Variants in WDR26 observed in about 807,000 individuals in gnomAD.
The protein encoded by WDR26 is WD repeat domain 26, also known as WD repeat-containing protein 26.
Under a neutral mutation model 84.1 loss-of-function variants are expected in WDR26, and 5 were observed. The ratio of observed to expected loss-of-function variants is 0.06; its 90% CI spans 0.03 to 0.13. The LOEUF is 0.13. Among genes scored for constraint, WDR26 ranks in the 10% least tolerant of loss-of-function variants. WDR26 has a pLI of 1.00. For synonymous variants in WDR26, 415 were observed against 389.6 expected (o/e 1.07, Z -0.77); for missense variants, 642 against 974.9 (o/e 0.66, Z 4.55).
intron 3 of WDR26, among the ~76,000 whole-genome samples, chr1:224,427,962 CA>C (rs1184516338): frequency 3.3e-5 from 5 of 151,912 alleles, no homozygotes; most frequent in Admixed American, 3.3e-4. Context: ...GAAATAAAGA[CA>C]AAAAAAGATT....
intron 8 of WDR26, among the ~76,000 whole-genome samples, chr1:224,403,643 T>C (rs957756326): frequency 2.6e-5 from 4 of 152,086 alleles, no homozygotes; most frequent in Non-Finnish European, 5.9e-5. Flanking sequence ...TTTTCATATA[T>C]AAACAGCAAT....
At chr1:224,421,806 G>A (rs897897434) in intron 4 of WDR26, among the ~76,000 whole-genome samples, 1 of 152,178 alleles carries the variant, frequency 6.6e-6, no homozygotes, top group Admixed American at 6.5e-5. Flanking sequence ...GTTTCAAGAT[G>A]TGGTAGTGGG....
chr1:224,407,151 A>AAAAAATAAATATATATATATATATATAT, intron 7 of WDR26, among the ~76,000 whole-genome samples: 1 of 11,876 alleles, frequency 8.4e-5, no homozygotes, highest in Non-Finnish European at 1.4e-4. Context: ...AAAAAAAAAA[A>AAAAAATAAATATATATATATATATATAT]ATATATATAT....
At chr1:224,413,322 G>T in intron 6 of WDR26, 2 of 1,234,204 alleles carry the variant, frequency 1.6e-6, no homozygotes, top group South Asian at 1.4e-5. Flanking sequence ...ATTACATTTT[G>T]TCAATTCACC....
At position 224,424,612 on chromosome 1, in the gene WDR26, G is replaced by A; in HGVS notation, c.970C>T (p.Leu324=). The A allele has an allele frequency of 6.2e-7, 1 of 1,614,138 alleles. No homozygotes were observed. Among genetic ancestry groups the A allele is most frequent in the Non-Finnish European group, 8.5e-7 (1 of 1,180,018 alleles). The change falls in exon 4 of 14, where the codon CTG becomes TTG. Residue 324 remains leucine, a synonymous_variant. Coordinates refer to ENST00000414423, the MANE Select transcript of WDR26 (RefSeq NM_001379403.1). ...GCCTCCAGGACCTTGCCATCCTCCAGGTATTCTAGGTACTTCTGCTGCAGC... is the reference window on the plus strand; with the variant it reads ...GCCTCCAGGACCTTGCCATCCTCCAAGTATTCTAGGTACTTCTGCTGCAGC...
chr1:224,399,134 GTT>G (rs377025189), intron 9 of WDR26, 100 bp from the exon 10 acceptor site: 156 of 938,578 alleles, frequency 1.7e-4, no homozygotes, highest in South Asian at 2.8e-4. Flanking sequence ...TTAGTAACAG[GTT>G]TTTTTTTTTT....
At chr1:224,410,482 GA>G (rs1187646494) in intron 7 of WDR26, among the ~76,000 whole-genome samples, 1 of 151,668 alleles carries the variant, frequency 6.6e-6, no homozygotes, top group African/African-American at 2.4e-5. Flanking sequence ...GGTTATAAAC[GA>G]ACACTTATCT....
chr1:224,405,158 G>A (rs577487540), intron 7 of WDR26, among the ~76,000 whole-genome samples: 5 of 152,226 alleles, frequency 3.3e-5, no homozygotes, highest in Admixed American at 3.3e-4. Flanking sequence ...TATTCTGGAC[G>A]TTTCACATAA....
chr1:224,398,563 A>G lies in WDR26; in HGVS notation c.1896T>C (p.Phe632=), dbSNP rs1354681388. Residue 632 remains phenylalanine (F), a synonymous_variant, in exon 11 of 14, where the codon TTT becomes TTC. Transcript: ENST00000414423. ...CTAATCGGCCATTTTTTGAAATAGT[A>G]AAAGACATAATAGGATGATCTTCTT... 2 of 1,610,846 alleles carry G rather than the reference A, an allele frequency of 1.2e-6. No individual in the cohort carries two copies. The highest frequency in any genetic ancestry group is 1.7e-5 in the Admixed American group (1 of 59,302).
rs1196888289 is a variant in WDR26, at chr1:224,385,331, A to G, written c.*4504T>C. On this transcript the variant is annotated 3_prime_UTR_variant, in exon 14 of 14. Transcript: ENST00000414423. ...ATACATTACACATTTATAAAATAAA[A>G]GTCAACAAAGGGTGTTTTGTAAATA... 1.3e-5 allele frequency: 2 copies of G among 152,258 alleles called. No homozygotes were observed. The highest frequency in any genetic ancestry group is 2.9e-5 in the Non-Finnish European group (2 of 68,040). 9.4% of individuals were successfully genotyped at this position (152,258 alleles called of 1,614,324 possible). A position where few individuals can be genotyped will look rare whatever the true frequency, so the allele number is the denominator to read the frequency against.
chr1:224,397,846 C>T (rs528520005), intron 12 of WDR26: 4 of 444,820 alleles, frequency 9.0e-6, no homozygotes, highest in Admixed American at 4.4e-5. Flanking sequence ...ACTGCTAATC[C>T]GTGACAATAC....
intron 7 of WDR26, among the ~76,000 whole-genome samples, chr1:224,407,239 A>AC (rs1015495880): frequency 5.6e-5 from 8 of 143,442 alleles, no homozygotes; most frequent in African/African-American, 2.0e-4. Flanking sequence ...TTGAAAACAA[A>AC]AACAATACTA....
intron 8 of WDR26, among the ~76,000 whole-genome samples, chr1:224,401,840 T>C (rs1673431084): frequency 6.6e-6 from 1 of 152,102 alleles, no homozygotes; most frequent in South Asian, 2.1e-4. Context: ...ATTTTTCTGA[T>C]ACACAACCTT....
chr1:224,400,906 CT>C lies in WDR26; in HGVS notation c.1719+43del, dbSNP rs780288015. The C allele has an allele frequency of 3.1e-6, 5 of 1,599,062 alleles. No individual in the cohort carries two copies. In the African/African-American group the frequency reaches 6.8e-5, roughly 22 times the overall value. ...AATTGTTTAAACAAAAGTACATTTG[CT>C]TTTAAACCAACAGATACTGGGAAGG... On this transcript the variant is annotated intron_variant, in intron 9 of 13. Coordinates refer to ENST00000414423, the MANE Select transcript of WDR26 (RefSeq NM_001379403.1).
At position 224,418,202 on chromosome 1, in the gene WDR26, A is replaced by T. The variant is rs1558436439; in HGVS notation, c.1319+58T>A. 3 of 1,488,454 alleles carry T rather than the reference A, an allele frequency of 2.0e-6. No homozygotes were observed. The East Asian group carries it at 6.9e-5, about 34-fold the overall frequency. 92.2% of individuals were successfully genotyped at this position (1,488,454 alleles called of 1,614,324 possible). A position where few individuals can be genotyped will look rare whatever the true frequency, so the allele number is the denominator to read the frequency against. On this transcript the variant is annotated intron_variant, in intron 6 of 13. Transcript: ENST00000414423. The stretch of plus-strand genomic sequence containing the variant: ...CTACAGGATAAGACTCTAAAAAAGA[A>T]AACTAAAATTTTGTAAAATGTTAGG...
chr1:224,408,187 A>G (rs558032436), intron 7 of WDR26, among the ~76,000 whole-genome samples: 1 of 152,210 alleles, frequency 6.6e-6, no homozygotes, highest in East Asian at 1.9e-4. Context: ...CCCCCAAACC[A>G]CCTAAATGCC....
chr1:224,431,386 C>A, intron 3 of WDR26, 91 bp downstream of exon 3: 2 of 1,179,002 alleles, frequency 1.7e-6, no homozygotes, highest in Non-Finnish European at 2.4e-6. Context: ...ACTTTTAGGC[C>A]TTATTTTTTT....
intron 8 of WDR26, among the ~76,000 whole-genome samples, chr1:224,403,117 T>A (rs1572171806): frequency 6.6e-6 from 1 of 151,668 alleles, no homozygotes; most frequent in Non-Finnish European, 1.5e-5. Flanking sequence ...CAGGCTGGAG[T>A]GCAGTGGCAC....
At chr1:224,415,937 G>A (rs1364648956) in intron 6 of WDR26, among the ~76,000 whole-genome samples, 2 of 152,168 alleles carry the variant, frequency 1.3e-5, no homozygotes, top group Non-Finnish European at 2.9e-5. Context: ...TGTGAAAGAG[G>A]TATTCTCACC....
Sources: gnomAD v4.1 joint callset for allele counts (sites outside exome capture counted in the v4.1 genomes callset) on GRCh38, gnomAD v4.1.1 for gene constraint, MANE v1.5 for transcripts, NCBI Gene and HGNC (gene_info 2026-07-23, HGNC 2026-07-21) for gene names.